Variants in MLKL observed in about 807,000 individuals in gnomAD.
MLKL encodes mixed lineage kinase domain-like protein.
In MLKL, 55 loss-of-function variants were observed where a neutral mutation model predicts 56.5. That is an observed-to-expected ratio of 0.97 (90% CI 0.78 to 1.22). MLKL has a LOEUF of 1.22. MLKL is among the 50% of genes most tolerant of loss of function. The probability of loss-of-function intolerance (pLI) is 0.00; values close to 1 mark genes in which losing one functional copy is unlikely to be tolerated. For synonymous variants in MLKL, 251 were observed against 208.3 expected, an observed-to-expected ratio of 1.20 and a Z score of -1.76; for missense variants, 694 against 573.9, an observed-to-expected ratio of 1.21 and a Z score of -2.14.
chr16:74,686,849 T>C (rs1960361186), intron 4 of MLKL, among the ~76,000 whole-genome samples: 1 of 152,138 alleles, frequency 6.6e-6, no homozygotes. Flanking sequence ...AATCAAAAGA[T>C]TAAATTAAAA....
At position 74,691,434 on chromosome 16, in the gene MLKL, G is replaced by T; in HGVS notation, c.565C>A (p.Pro189Thr). The change falls in exon 4 of 11, where the codon CCG becomes ACG. Residue 189 changes from proline (P) to threonine (T), a missense_variant. Coordinates refer to ENST00000308807, the MANE Select transcript of MLKL (RefSeq NM_152649.4). Reference sequence around the variant, plus strand: ...TTGATCTCCTTGATTTGCTCTTGCGGGATCTCCTGCATGCATTTTGGTGGT... The same window carrying T: ...TTGATCTCCTTGATTTGCTCTTGCGTGATCTCCTGCATGCATTTTGGTGGT... ...YLPPKCMQEI[P>T]QEQIKEIKKE... The T allele has an allele frequency of 6.2e-7, 1 of 1,613,780 alleles. No homozygotes were observed. The highest frequency in any genetic ancestry group is 8.5e-7 in the Non-Finnish European group (1 of 1,179,946).
chr16:74,689,468 C>T (rs998756497), intron 4 of MLKL, among the ~76,000 whole-genome samples: 10 of 151,992 alleles, frequency 6.6e-5, no homozygotes, highest in Non-Finnish European at 1.0e-4. Flanking sequence ...GTAAATCTTA[C>T]GGTATGTAAA....
chr16:74,672,664 G>T, intron 10 of MLKL, 126 bp from the exon 11 acceptor site: 1 of 820,772 alleles, frequency 1.2e-6, no homozygotes, highest in South Asian at 1.6e-5. Flanking sequence ...GCTGGTGCCT[G>T]AACCACCATC....
chr16:74,696,098 C>G (rs1382339953), intron 1 of MLKL, among the ~76,000 whole-genome samples: 1 of 152,200 alleles, frequency 6.6e-6, no homozygotes, highest in Non-Finnish European at 1.5e-5. Flanking sequence ...CTCACACTCT[C>G]CCTTGGTTGG....
At position 74,691,442 on chromosome 16, in the gene MLKL, T is replaced by A. The variant is rs762075271; in HGVS notation, c.557A>T (p.Gln186Leu). The A allele has an allele frequency of 6.2e-7, 1 of 1,613,568 alleles. No homozygotes were observed. The highest frequency in any genetic ancestry group is 1.7e-5 in the Admixed American group (1 of 59,792). ...CTTGATTTGCTCTTGCGGGATCTCC[T>A]GCATGCATTTTGGTGGTAAATCTGA... is the stretch of plus-strand genomic sequence containing the variant. ...LRQYLPPKCM[Q>L]EIPQEQIKEI... is the part of the protein sequence containing the mutation. The change falls in exon 4 of 11, where the codon CAG becomes CTG. Residue 186 changes from glutamine (Q) to leucine (L), a missense_variant. Gln to Leu is a moderately radical substitution (Grantham distance 113). Transcript: ENST00000308807.
At chr16:74,690,108 G>C (rs1960577515) in intron 4 of MLKL, among the ~76,000 whole-genome samples, 1 of 152,120 alleles carries the variant, frequency 6.6e-6, no homozygotes, top group Non-Finnish European at 1.5e-5. Context: ...AAGGGCAGAG[G>C]ATATGAACAG....
intron 8 of MLKL, 103 bp downstream of exon 8, chr16:74,675,510 T>G: frequency 6.4e-7 from 1 of 1,569,852 alleles, no homozygotes; most frequent in Non-Finnish European, 8.6e-7. Context: ...ACTACCCAAT[T>G]TCATTCAACA....
chr16:74,699,302 T>A (rs1380308802), intron 1 of MLKL, among the ~76,000 whole-genome samples: 1 of 152,126 alleles, frequency 6.6e-6, no homozygotes, highest in Admixed American at 6.5e-5. Flanking sequence ...TATTTTGGCA[T>A]TAAATCAAAA....
At position 74,694,319 on chromosome 16, in the gene MLKL, T is replaced by C. The variant is rs568444591; in HGVS notation, c.460+979A>G. On this transcript the variant is annotated intron_variant, in intron 2 of 10. Coordinates refer to ENST00000308807, the MANE Select transcript of MLKL (RefSeq NM_152649.4). Reference sequence around the variant, plus strand: ...TATGGTTTCCATCAGACTTCCCCAGTTTTAGTACTGAAGGTCTCATGTCCT... The same window carrying C: ...TATGGTTTCCATCAGACTTCCCCAGCTTTAGTACTGAAGGTCTCATGTCCT... 2.5e-3 allele frequency among the ~76,000 whole-genome samples: 387 copies of C among 152,252 alleles called. 1 individual carries two copies. Among genetic ancestry groups the C allele is most frequent in the Non-Finnish European group, 4.7e-3 (317 of 68,014 alleles).
At chr16:74,681,294 G>A (rs1236786233) in intron 6 of MLKL, among the ~76,000 whole-genome samples, 1 of 152,106 alleles carries the variant, frequency 6.6e-6, no homozygotes, top group African/African-American at 2.4e-5. Context: ...TCAAAGTGCT[G>A]GGATTATGGG....
At position 74,699,108 on chromosome 16, in the gene MLKL, G is replaced by A. The variant is rs111553911; in HGVS notation, c.-3+1345C>T. ...AACCTGGGCAACAGAGCAAAACTCCGTCTCAAAAACAAAAACAAAAACAAA... is the reference window on the plus strand; with the variant it reads ...AACCTGGGCAACAGAGCAAAACTCCATCTCAAAAACAAAAACAAAAACAAA... On this transcript the variant is annotated intron_variant, in intron 1 of 10. Transcript: ENST00000308807. Among the ~76,000 whole-genome samples, 773 of 151,736 alleles carry A rather than the reference G, an allele frequency of 5.1e-3. 13 individuals are homozygous for A. The highest frequency in any genetic ancestry group is 0.018 in the African/African-American group (738 of 41,304).
chr16:74,687,969 G>T (rs369947576), intron 4 of MLKL, among the ~76,000 whole-genome samples: 1 of 152,192 alleles, frequency 6.6e-6, no homozygotes, highest in Non-Finnish European at 1.5e-5. Flanking sequence ...GGGACTACAG[G>T]TGCCCGCCAC....
chr16:74,699,555 T>A (rs76573484), intron 1 of MLKL, among the ~76,000 whole-genome samples: 1 of 152,132 alleles, frequency 6.6e-6, no homozygotes, highest in Non-Finnish European at 1.5e-5. Flanking sequence ...TAGGAACTTA[T>A]GATGTAGAAA....
At chr16:74,690,317 T>C (rs907233006) in intron 4 of MLKL, among the ~76,000 whole-genome samples, 4 of 152,198 alleles carry the variant, frequency 2.6e-5, no homozygotes, top group African/African-American at 9.6e-5. Flanking sequence ...TAGACACTGT[T>C]CTGAAGAGTT....
chr16:74,695,288 C>T lies in MLKL; in HGVS notation c.460+10G>A, dbSNP rs1325440923. 2 of 1,611,256 alleles carry T rather than the reference C, an allele frequency of 1.2e-6. No individual in the cohort carries two copies. Among genetic ancestry groups the T allele is most frequent in the Non-Finnish European group, 1.7e-6 (2 of 1,178,548 alleles). ...CTGCACTCCCACTCCCCACCAAAGACCCAGCTTGCCTCTTCTTAGCATCTG... is the reference window on the plus strand; with the variant it reads ...CTGCACTCCCACTCCCCACCAAAGATCCAGCTTGCCTCTTCTTAGCATCTG... On this transcript the variant is annotated intron_variant, in intron 2 of 10. Transcript: ENST00000308807.
rs1567595720 is a variant in MLKL, at chr16:74,672,179, C to T, written c.*325G>A. ...TGATCAAATCAAGTCACAGTGCCAG[C>T]CCAGATTCAAATGGTGGGGAAAGAG... On this transcript the variant is annotated 3_prime_UTR_variant, in exon 11 of 11. Transcript: ENST00000308807. 7.7e-6 allele frequency: 2 copies of T among 258,486 alleles called. No individual in the cohort carries two copies. The highest frequency in any genetic ancestry group is 7.1e-5 in the South Asian group (1 of 14,172). The allele number at this position is 258,486 out of a possible 1,614,324, so 16.0% of individuals were successfully genotyped here.
At chr16:74,673,420 G>T (rs2144435814) in intron 10 of MLKL, among the ~76,000 whole-genome samples, 1 of 152,238 alleles carries the variant, frequency 6.6e-6, no homozygotes, top group Non-Finnish European at 1.5e-5. Context: ...GTTTCACCAT[G>T]TTGGCCAGGC....
intron 10 of MLKL, among the ~76,000 whole-genome samples, chr16:74,673,756 G>C (rs941072357): frequency 6.6e-6 from 1 of 151,778 alleles, no homozygotes; most frequent in Non-Finnish European, 1.5e-5. Flanking sequence ...ACAAGAGAGA[G>C]GAAAAAGAAG....
chr16:74,672,621 C>T (rs1959301115), intron 10 of MLKL, 83 bp from the exon 11 acceptor site: 22 of 1,299,010 alleles, frequency 1.7e-5, no homozygotes, highest in Non-Finnish European at 2.4e-5. Context: ...CTACATTGCA[C>T]AGTCATTTAG....
Sources: gnomAD v4.1 joint callset for allele counts (sites outside exome capture counted in the v4.1 genomes callset) on GRCh38, gnomAD v4.1.1 for gene constraint, MANE v1.5 for transcripts, NCBI Gene and HGNC (gene_info 2026-07-23, HGNC 2026-07-21) for gene names.